Variants in PRMT3 observed in about 807,000 individuals in gnomAD.
The protein encoded by PRMT3 is protein arginine N-methyltransferase 3.
Under a neutral mutation model 71.9 loss-of-function variants are expected in PRMT3, and 62 were observed. That is an observed-to-expected ratio of 0.86 (90% CI 0.70 to 1.07). The LOEUF (loss-of-function observed/expected upper bound fraction) is 1.07. Among genes scored for constraint, PRMT3 ranks in the 50% least tolerant of loss-of-function variants. The pLI is 0.00. For synonymous variants in PRMT3, 213 were observed against 220.4 expected (o/e 0.97, Z 0.30); for missense variants, 663 against 643.0 (o/e 1.03, Z -0.34).
At chr11:20,402,591 A>G (rs6483674) in intron 7 of PRMT3, among the ~76,000 whole-genome samples, 125,852 of 151,938 alleles carry the variant, frequency 0.83, 53,789 homozygotes, top group Non-Finnish European at 0.95. Flanking sequence ...TCCAGGCCCT[A>G]TTGAAAGGAG....
At chr11:20,473,237 T>C (rs746377520) in intron 13 of PRMT3, among the ~76,000 whole-genome samples, 1 of 152,148 alleles carries the variant, frequency 6.6e-6, no homozygotes, top group Non-Finnish European at 1.5e-5. Context: ...TCTTCACTTC[T>C]GCTCTAATCT....
In PRMT3 at chr11:20,509,188, T is replaced by G. The variant is rs1851668506; in HGVS notation, c.*775T>G. 1 of 152,262 alleles carries G rather than the reference T, an allele frequency of 6.6e-6. No homozygotes were observed. Among genetic ancestry groups the G allele is most frequent in the African/African-American group, 2.4e-5 (1 of 41,478 alleles). The allele number at this position is 152,262 out of a possible 1,614,324, so 9.4% of individuals were successfully genotyped here. A position where few individuals can be genotyped will look rare whatever the true frequency, so the allele number is the denominator to read the frequency against. On this transcript the variant is annotated 3_prime_UTR_variant, in exon 16 of 16. Coordinates refer to ENST00000331079, the MANE Select transcript of PRMT3 (RefSeq NM_005788.4). ...TATGTGCAAAGGTTAAACATGTAAC[T>G]GTTACTAAGCAGTCTATAAAGTTGT... is the stretch of plus-strand genomic sequence containing the variant.
At chr11:20,430,641 T>A (rs1412867501) in intron 10 of PRMT3, among the ~76,000 whole-genome samples, 1 of 152,194 alleles carries the variant, frequency 6.6e-6, no homozygotes, top group East Asian at 1.9e-4. Context: ...CATGATGTTT[T>A]GATTTACACA....
intron 13 of PRMT3, among the ~76,000 whole-genome samples, chr11:20,474,795 A>T (rs1455585577): frequency 6.6e-6 from 1 of 152,246 alleles, no homozygotes; most frequent in African/African-American, 2.4e-5. Flanking sequence ...TTGCAGATAG[A>T]ACAATGGCAA....
At chr11:20,447,381 G>A (rs971854401) in intron 10 of PRMT3, among the ~76,000 whole-genome samples, 1 of 152,006 alleles carries the variant, frequency 6.6e-6, no homozygotes, top group African/African-American at 2.4e-5. Flanking sequence ...TAGAGCCCAG[G>A]AATGCTGCTA....
At chr11:20,477,555 CAAAAA>C (rs148599172) in intron 13 of PRMT3, among the ~76,000 whole-genome samples, 7 of 148,728 alleles carry the variant, frequency 4.7e-5, no homozygotes, top group African/African-American at 1.5e-4. Context: ...GATTCCGTCT[CAAAAA>C]AAAAAGAGTT....
At chr11:20,439,914 T>G (rs1849847986) in intron 10 of PRMT3, among the ~76,000 whole-genome samples, 1 of 152,212 alleles carries the variant, frequency 6.6e-6, no homozygotes, top group Non-Finnish European at 1.5e-5. Context: ...AGTGTTTTAC[T>G]TGTGCAAAGA....
At chr11:20,416,708 G>A (rs1225626330) in intron 9 of PRMT3, among the ~76,000 whole-genome samples, 1 of 152,044 alleles carries the variant, frequency 6.6e-6, no homozygotes, top group Non-Finnish European at 1.5e-5. Flanking sequence ...AATGTCCTCA[G>A]TGTTAGTAAT....
intron 9 of PRMT3, among the ~76,000 whole-genome samples, chr11:20,414,068 G>A (rs1052960607): frequency 4.6e-5 from 7 of 152,000 alleles, no homozygotes; most frequent in African/African-American, 1.7e-4. Context: ...CTTGGATTAT[G>A]TTTAAAATAA....
intron 4 of PRMT3, among the ~76,000 whole-genome samples, chr11:20,392,622 G>T (rs1308973325): frequency 0.011 from 1,356 of 127,164 alleles, 15 homozygotes; most frequent in African/African-American, 0.037. Flanking sequence ...CAGATACTTT[G>T]TTTTTTTTTT....
chr11:20,501,406 G>C (rs961154761), intron 15 of PRMT3, among the ~76,000 whole-genome samples: 1 of 152,082 alleles, frequency 6.6e-6, no homozygotes, highest in Admixed American at 6.6e-5. Context: ...AGGTCATCTA[G>C]TGTCCATATT....
intron 10 of PRMT3, among the ~76,000 whole-genome samples, chr11:20,428,236 T>C (rs1849588165): frequency 6.6e-6 from 1 of 152,192 alleles, no homozygotes; most frequent in South Asian, 2.1e-4. Context: ...TTAAAGACTA[T>C]GAAAAGATGC....
At position 20,408,018 on chromosome 11, in the gene PRMT3, A is replaced by G; in HGVS notation, c.879A>G (p.Ala293=). The G allele has an allele frequency of 1.3e-6, 2 of 1,579,536 alleles. No homozygotes were observed. The highest frequency in any genetic ancestry group is 1.7e-6 in the Non-Finnish European group (2 of 1,150,500). The change falls in exon 9 of 16, where the codon GCA becomes GCG. Residue 293 remains alanine, a synonymous_variant. Coordinates refer to ENST00000331079, the MANE Select transcript of PRMT3 (RefSeq NM_005788.4). The part of the protein sequence containing the change: ...GVDQSEILYQ[A]MDIIRLNKLE... ...ATCAATCTGAAATACTTTACCAGGCAATGGATATTATAAGGTACATATATT... is the reference window on the plus strand; with the variant it reads ...ATCAATCTGAAATACTTTACCAGGCGATGGATATTATAAGGTACATATATT...
chr11:20,454,839 A>G (rs1022446265), intron 11 of PRMT3, among the ~76,000 whole-genome samples: 1 of 152,068 alleles, frequency 6.6e-6, no homozygotes, highest in African/African-American at 2.4e-5. Flanking sequence ...TTTAAGTTCA[A>G]TTTATGTCTC....
intron 9 of PRMT3, among the ~76,000 whole-genome samples, chr11:20,424,139 G>T (rs187157567): frequency 6.7e-6 from 1 of 148,612 alleles, no homozygotes; most frequent in Non-Finnish European, 1.5e-5. Flanking sequence ...AGCCGAGATC[G>T]CGCCACTGCA....
At chr11:20,445,224 CTA>C (rs1237559621) in intron 10 of PRMT3, among the ~76,000 whole-genome samples, 2 of 151,862 alleles carry the variant, frequency 1.3e-5, no homozygotes, top group Middle Eastern at 3.2e-3. Context: ...GTATGAAAAA[CTA>C]TTGTCTTTTT....
At chr11:20,432,109 C>T (rs1849666942) in intron 10 of PRMT3, among the ~76,000 whole-genome samples, 1 of 152,016 alleles carries the variant, frequency 6.6e-6, no homozygotes, top group Admixed American at 6.6e-5. Flanking sequence ...TTAACCACTT[C>T]CTAGCCTTTC....
At chr11:20,389,851 A>G (rs748549637) in intron 3 of PRMT3, 25 bp downstream of exon 3, 1 of 1,571,642 alleles carries the variant, frequency 6.4e-7, no homozygotes. Flanking sequence ...GAATAAAGGC[A>G]ATTTAATTTG....
chr11:20,390,491 T>A (rs1415454078), intron 3 of PRMT3, among the ~76,000 whole-genome samples: 1 of 152,218 alleles, frequency 6.6e-6, no homozygotes, highest in African/African-American at 2.4e-5. Context: ...GCTCAAAGCA[T>A]GACATGAACT....
Sources: allele counts gnomAD v4.1 joint callset (sites outside exome capture counted in the v4.1 genomes callset), GRCh38; gene constraint gnomAD v4.1.1; transcripts MANE v1.5; gene names NCBI Gene and HGNC (gene_info 2026-07-23, HGNC 2026-07-21).